SLC25A41: variants seen among roughly 807,000 people sequenced by gnomAD.
SLC25A41 encodes the protein solute carrier family 25 member 41.
Under a neutral mutation model 34.7 loss-of-function variants are expected in SLC25A41, and 35 were observed. That is an observed-to-expected ratio of 1.01 (90% CI 0.77 to 1.34). The LOEUF is 1.34. SLC25A41 is among the 40% of genes most tolerant of loss of function. SLC25A41 has a pLI of 0.00. For synonymous variants in SLC25A41, 190 were observed against 209.9 expected (o/e 0.91, Z 0.82); for missense variants, 492 against 489.8 (o/e 1.00, Z -0.04).
Position 6,432,220 on chromosome 19 carries a change from G to A in SLC25A41, c.208-16C>T, listed in dbSNP as rs200023119. ...TGTCCAGTACCTGCAGGGCAGACCC[G>A]GCCCTCCCTCATCCTCAGCCAGGTT... On this transcript the variant is annotated splice_polypyrimidine_tract_variant and intron_variant, in intron 1 of 6. Coordinates refer to ENST00000321510, the MANE Select transcript of SLC25A41 (RefSeq NM_173637.4). The A allele has an allele frequency of 4.9e-5, 79 of 1,608,722 alleles. No homozygotes were observed. In the East Asian group the frequency reaches 4.9e-4, roughly 10 times the overall value.
chr19:6,435,034 G>A (rs1417234732), upstream of SLC25A41, among the ~76,000 whole-genome samples: 1 of 151,146 alleles, frequency 6.6e-6, no homozygotes, highest in Non-Finnish European at 1.5e-5. Context: ...ACCACCCTGG[G>A]CAACATGGCC....
chr19:6,429,538 AAG>A (rs1381221724), intron 4 of SLC25A41, among the ~76,000 whole-genome samples, 184 bp downstream of exon 4: 1 of 13,222 alleles, frequency 7.6e-5, no homozygotes, highest in African/African-American at 3.4e-4. Context: ...AGGAGGAGGA[AAG>A]AGGAGGAGGG....
At position 6,432,629 on chromosome 19, in the gene SLC25A41, C is replaced by T. The variant is rs548113186; in HGVS notation, c.208-425G>A. Among the ~76,000 whole-genome samples, 9 of 148,626 alleles carry T rather than the reference C, an allele frequency of 6.1e-5. 1 individual carries two copies. Among genetic ancestry groups the T allele is most frequent in the East Asian group, 2.1e-4 (1 of 4,878 alleles). ...TTTTTTAGACAGAGTCTCACTCTAT[C>T]GCCCAAGCTGGAGTACAGTGGTGCG... On this transcript the variant is annotated intron_variant, in intron 1 of 6. Coordinates refer to ENST00000321510, the MANE Select transcript of SLC25A41 (RefSeq NM_173637.4).
upstream of SLC25A41, among the ~76,000 whole-genome samples, chr19:6,435,053 G>A (rs1057317995): frequency 6.7e-6 from 1 of 148,664 alleles, no homozygotes; most frequent in African/African-American, 2.6e-5. Context: ...CCAGACCCCT[G>A]TCTCTATAAA....
chr19:6,434,399 C>T (rs1347977848), upstream of SLC25A41, among the ~76,000 whole-genome samples: 1 of 152,166 alleles, frequency 6.6e-6, no homozygotes, highest in East Asian at 1.9e-4. Flanking sequence ...CTCTTTCTCT[C>T]TCTCTGTCTG....
Position 6,427,123 on chromosome 19 carries a change from C to A in SLC25A41, c.920G>T (p.Arg307Leu). ...CTGACCTTGGGCCTGCATCCTGGTGCGCACCAGAGTCAGTGGGTAGCTGGC... is the reference window on the plus strand; with the variant it reads ...CTGACCTTGGGCCTGCATCCTGGTGAGCACCAGAGTCAGTGGGTAGCTGGC... ...QMASYPLTLV[R>L]TRMQAQDTVE... Residue 307 changes from arginine (R) to leucine (L), a missense_variant, in exon 6 of 7, where the codon CGC (arginine) becomes CTC (leucine). By Grantham distance (102) the Arg-to-Leu change is moderately radical. Coordinates refer to ENST00000321510, the MANE Select transcript of SLC25A41 (RefSeq NM_173637.4). This position sits in a 1 kb window ranked among gnomAD's most constrained non-coding sequence, Gnocchi z 4.9. The A allele has an allele frequency of 1.2e-6, 2 of 1,605,524 alleles. No individual in the cohort carries two copies. Among genetic ancestry groups the A allele is most frequent in the Non-Finnish European group, 1.7e-6 (2 of 1,176,770 alleles).
intron 2 of SLC25A41, chr19:6,430,400 T>C: frequency 1.8e-6 from 1 of 564,082 alleles, no homozygotes; most frequent in East Asian, 3.2e-5. Flanking sequence ...CTCCTCAGTC[T>C]TTTTCTCTCT....
At chr19:6,429,163 TAATATATATATAA>T (rs2092267354) in intron 4 of SLC25A41, among the ~76,000 whole-genome samples, 1 of 11,182 alleles carries the variant, frequency 8.9e-5, no homozygotes, top group East Asian at 3.8e-3. Flanking sequence ...ATTATATATA[TAATATATATATAA>T]TATATATATG....
chr19:6,433,176 G>A (rs2092293492), intron 1 of SLC25A41, among the ~76,000 whole-genome samples: 1 of 152,098 alleles, frequency 6.6e-6, no homozygotes, highest in Non-Finnish European at 1.5e-5. Context: ...AGCCTCCTGA[G>A]TAGCTGGTAC....
At position 6,426,324 on chromosome 19, in the gene SLC25A41, G is replaced by T; in HGVS notation, c.*65C>A. The T allele has an allele frequency of 7.3e-7, 1 of 1,375,478 alleles. No individual in the cohort carries two copies. The highest frequency in any genetic ancestry group is 1.5e-5 in the South Asian group (1 of 65,768). The allele number at this position is 1,375,478 out of a possible 1,614,324, so 85.2% of individuals were successfully genotyped here. A position where few individuals can be genotyped will look rare whatever the true frequency, so the allele number is the denominator to read the frequency against. On this transcript the variant is annotated 3_prime_UTR_variant, in exon 7 of 7. Transcript: ENST00000321510. Reference sequence around the variant, plus strand: ...AACCTTGAGGCCTCGAGGGCTCTTTGGGGCCAGGGGTCATCAGGTCCTCCT... The same window carrying T: ...AACCTTGAGGCCTCGAGGGCTCTTTTGGGCCAGGGGTCATCAGGTCCTCCT...
rs2092238486 is a variant in SLC25A41, at chr19:6,426,193, T to A, written c.*196A>T. On this transcript the variant is annotated 3_prime_UTR_variant, in exon 7 of 7. Transcript: ENST00000321510. ...TCCCAGGAGTTTTCTGACCCAGCAC[T>A]GCCCCCCTCCACCCACCACCAACCC... 1.7e-6 allele frequency: 1 copy of A among 587,810 alleles called. No individual in the cohort carries two copies. The highest frequency in any genetic ancestry group is 2.9e-6 in the Non-Finnish European group (1 of 340,428). The allele number at this position is 587,810 out of a possible 1,614,324, so 36.4% of individuals were successfully genotyped here. A position where few individuals can be genotyped will look rare whatever the true frequency, so the allele number is the denominator to read the frequency against.
chr19:6,427,316 C>A lies in SLC25A41; in HGVS notation c.792+18G>T, dbSNP rs577207927. 2.2e-5 allele frequency: 35 copies of A among 1,605,444 alleles called. No homozygotes were observed. Among genetic ancestry groups the A allele is most frequent in the Non-Finnish European group, 2.7e-5 (32 of 1,174,778 alleles). ...TGGGCTCCGGCCAGCCCTGCCACCCCCTCTGCAGGACCCATACCTCATAGA... is the reference window on the plus strand; with the variant it reads ...TGGGCTCCGGCCAGCCCTGCCACCCACTCTGCAGGACCCATACCTCATAGA... On this transcript the variant is annotated intron_variant, in intron 5 of 6. Coordinates refer to ENST00000321510, the MANE Select transcript of SLC25A41 (RefSeq NM_173637.4). The surrounding 1 kb of genome is among the most constrained non-coding windows in gnomAD (Gnocchi z 4.9).
intron 6 of SLC25A41, 114 bp from the exon 7 acceptor site, chr19:6,426,675 G>A (rs913605472): frequency 9.0e-7 from 1 of 1,115,712 alleles, no homozygotes; most frequent in Non-Finnish European, 1.3e-6. Flanking sequence ...GGGGTCAGTA[G>A]GAAAACAGTT....
At chr19:6,434,019 C>T (rs1428320950), upstream of SLC25A41, among the ~76,000 whole-genome samples, 1 of 152,208 alleles carries the variant, frequency 6.6e-6, no homozygotes, top group East Asian at 1.9e-4. Flanking sequence ...TCTTGGCTCA[C>T]TGCAAGCTCC....
chr19:6,426,592 G>T, intron 6 of SLC25A41, 31 bp from the exon 7 acceptor site: 1 of 1,600,004 alleles, frequency 6.2e-7, no homozygotes. Flanking sequence ...TCAGGACTAG[G>T]CCAGAGATGA....
chr19:6,430,376 C>T (rs1170145491), intron 2 of SLC25A41: 1 of 576,034 alleles, frequency 1.7e-6, no homozygotes, highest in South Asian at 2.1e-5. Flanking sequence ...TCCCACCTCA[C>T]CCCTCCTCTT....
chr19:6,429,039 A>ATATG (rs1427334348), intron 4 of SLC25A41, among the ~76,000 whole-genome samples: 1 of 26,998 alleles, frequency 3.7e-5, no homozygotes, highest in Non-Finnish European at 5.6e-5. Context: ...ATATATATAT[A>ATATG]ATATATATAT....
chr19:6,435,629 G>A (rs1240978230), upstream of SLC25A41, among the ~76,000 whole-genome samples: 1 of 152,148 alleles, frequency 6.6e-6, no homozygotes, highest in Non-Finnish European at 1.5e-5. Context: ...GGCTGAGGCG[G>A]GAGGATCACT....
chr19:6,429,309 G>A (rs1036301634), intron 4 of SLC25A41, among the ~76,000 whole-genome samples: 6 of 84,334 alleles, frequency 7.1e-5, no homozygotes, highest in Non-Finnish European at 1.6e-4. Flanking sequence ...AGGAGGAGGA[G>A]ATTGGAGAGG....
Sources: gnomAD v4.1 joint callset for allele counts (sites outside exome capture counted in the v4.1 genomes callset) on GRCh38, gnomAD v4.1.1 for gene constraint, Gnocchi (gnomAD v3.1) non-coding constraint, MANE v1.5 for transcripts, NCBI Gene and HGNC (gene_info 2026-07-23, HGNC 2026-07-21) for gene names.